Variants in ADAP1 observed in about 807,000 individuals in gnomAD.
ADAP1 encodes the protein ArfGAP with dual PH domains 1.
A neutral mutation model predicts 54.9 loss-of-function variants in ADAP1; 31 were observed. The ratio of observed to expected loss-of-function variants is 0.56; its 90% CI spans 0.42 to 0.76. ADAP1 has a LOEUF of 0.76. Among genes scored for constraint, ADAP1 ranks in the 30% least tolerant of loss-of-function variants. The probability of loss-of-function intolerance (pLI) is 0.00; values close to 1 mark genes in which losing one functional copy is unlikely to be tolerated. For missense variants in ADAP1, 535 were observed against 512.4 expected (o/e 1.04, Z -0.42); for synonymous variants, 313 against 202.6 (o/e 1.55, Z -4.63).
At chr7:923,017 G>C (rs913537795) in intron 3 of ADAP1, 5 of 152,162 alleles carry the variant, frequency 3.3e-5, no homozygotes, top group Admixed American at 6.5e-5. Context: ...CAGGAGCAGG[G>C]TGGCCCCCAA....
chr7:900,984 A>T (rs1371554845), intron 6 of ADAP1: 5 of 507,994 alleles, frequency 9.8e-6, no homozygotes, highest in African/African-American at 9.7e-5. Context: ...CCTTCCTTTC[A>T]GATGGTGCTA....
Position 938,608 on chromosome 7 carries a change from G to A in ADAP1, c.83-3103C>T, listed in dbSNP as rs1846849491. Among the ~76,000 whole-genome samples, 1 of 152,162 alleles carries A rather than the reference G, an allele frequency of 6.6e-6. No individual in the cohort carries two copies. Among genetic ancestry groups the A allele is most frequent in the Non-Finnish European group, 1.5e-5 (1 of 68,028 alleles). ...TCCCGAAGCCTTGGTGAAAGATGCC[G>A]CAAATGCTCGGTACGTGGCTGTGCG... On this transcript the variant is annotated intron_variant, in intron 1 of 10. Transcript: ENST00000265846. This position sits in a 1 kb window ranked among gnomAD's most constrained non-coding sequence, Gnocchi z 4.4.
intron 3 of ADAP1, among the ~76,000 whole-genome samples, chr7:921,675 C>T (rs374538391): frequency 2.6e-5 from 4 of 152,194 alleles, no homozygotes; most frequent in Admixed American, 1.3e-4. Flanking sequence ...CACGTCTTTT[C>T]GGGGGACACC....
intron 6 of ADAP1, chr7:901,291 G>T: frequency 6.1e-6 from 2 of 328,696 alleles, no homozygotes; most frequent in South Asian, 4.9e-5. Context: ...CCTGGGGTCT[G>T]CCCAGACCCT....
chr7:910,122 G>A (rs745497603), intron 4 of ADAP1, among the ~76,000 whole-genome samples: 1 of 152,214 alleles, frequency 6.6e-6, no homozygotes, highest in Non-Finnish European at 1.5e-5. Context: ...CACGCTGCCC[G>A]TGGGGATGTA....
rs776657530 is a variant in ADAP1, at chr7:926,686, G to A, written c.214-42C>T. 10 of 1,493,956 alleles carry A rather than the reference G, an allele frequency of 6.7e-6. No individual in the cohort carries two copies. The African/African-American group carries it at 1.0e-4, about 15-fold the overall frequency. The allele number at this position is 1,493,956 out of a possible 1,614,324, so 92.5% of individuals were successfully genotyped here. ...GCCGGGTCAGAGGCCTGGGGTCCCA[G>A]GGGCAGCCTAGGAGGTGCCAGCTGC... On this transcript the variant is annotated intron_variant, in intron 2 of 10. Coordinates refer to ENST00000265846, the MANE Select transcript of ADAP1 (RefSeq NM_006869.4). This position sits in a 1 kb window ranked among gnomAD's most constrained non-coding sequence, Gnocchi z 4.6.
At chr7:902,471 AG>A (rs1486722276) in intron 6 of ADAP1, among the ~76,000 whole-genome samples, 541 of 147,160 alleles carry the variant, frequency 3.7e-3, no homozygotes, top group Non-Finnish European at 4.5e-3. Flanking sequence ...AAAAAAAAAA[AG>A]AAAGAAAAGA....
intron 4 of ADAP1, among the ~76,000 whole-genome samples, chr7:919,466 G>A (rs879763873): frequency 3.3e-5 from 5 of 151,758 alleles, no homozygotes; most frequent in Non-Finnish European, 7.4e-5. Context: ...GTCCGGGGAC[G>A]CGGGTTCAAA....
intron 6 of ADAP1, chr7:901,439 C>CCTCCTCAGGCTT (rs938166904): frequency 1.7e-5 from 3 of 178,582 alleles, no homozygotes; most frequent in African/African-American, 7.2e-5. Flanking sequence ...GAGCCCCATC[C>CCTCCTCAGGCTT]CTCCTCAGGC....
Position 935,181 on chromosome 7 carries a change from G to C in ADAP1, c.213+194C>G, listed in dbSNP as rs1394071459. 8 of 785,862 alleles carry C rather than the reference G, an allele frequency of 1.0e-5. No individual in the cohort carries two copies. The African/African-American group carries it at 1.2e-4, about 12-fold the overall frequency. 48.7% of individuals were successfully genotyped at this position (785,862 alleles called of 1,614,324 possible). On this transcript the variant is annotated intron_variant, in intron 2 of 10. Coordinates refer to ENST00000265846, the MANE Select transcript of ADAP1 (RefSeq NM_006869.4). ...CTCACAGAGAGGTTGGACCCGGCAC[G>C]GGGTGGGTGGAGCAGCCACACAGGC...
chr7:923,932 C>T (rs1284384467), intron 3 of ADAP1, among the ~76,000 whole-genome samples: 1 of 152,140 alleles, frequency 6.6e-6, no homozygotes, highest in Admixed American at 6.5e-5. Context: ...TGGACGAGTC[C>T]CCTGCCCACC....
intron 6 of ADAP1, chr7:901,407 C>CT (rs1374397093): frequency 1.1e-5 from 2 of 183,742 alleles, no homozygotes; most frequent in Non-Finnish European, 2.3e-5. Context: ...GCTGCACCCT[C>CT]TCCTGCCCAG....
In ADAP1 at chr7:906,730, TGG is replaced by T. The variant is rs60149655; in HGVS notation, c.389-1560_389-1559del. ...GGGACGGGACATCGGGGACGGGACA[TGG>T]GGGACAGAGTACATAGGGGACATGG... On this transcript the variant is annotated intron_variant, in intron 4 of 10. Transcript: ENST00000265846. 5.6e-3 allele frequency among the ~76,000 whole-genome samples: 376 copies of T among 66,938 alleles called. 36 individuals are homozygous for T. In the East Asian group the frequency reaches 0.11, roughly 19 times the overall value. 43.9% of individuals were successfully genotyped at this position (66,938 alleles called of 152,430 possible). A position where few individuals can be genotyped will look rare whatever the true frequency, so the allele number is the denominator to read the frequency against.
intron 1 of ADAP1, 31 bp from the exon 2 acceptor site, chr7:935,536 C>T (rs1326163496): frequency 1.9e-6 from 3 of 1,554,688 alleles, no homozygotes; most frequent in Non-Finnish European, 2.6e-6. Context: ...TTCACGGAGG[C>T]TCAGCCCAGG....
At chr7:899,293 C>T (rs1844660836) in intron 9 of ADAP1, 32 bp from the exon 10 acceptor site, 1 of 1,609,904 alleles carries the variant, frequency 6.2e-7, no homozygotes, top group South Asian at 1.1e-5. Context: ...GAGGCGGGGC[C>T]ATGTCCCTTC....
At chr7:910,295 G>T (rs1336445900) in intron 4 of ADAP1, among the ~76,000 whole-genome samples, 1 of 151,620 alleles carries the variant, frequency 6.6e-6, no homozygotes, top group East Asian at 1.9e-4. Flanking sequence ...CCCCACCCAG[G>T]CTGGAGTGCA....
At chr7:940,172 T>C (rs1846904382) in intron 1 of ADAP1, among the ~76,000 whole-genome samples, 1 of 151,948 alleles carries the variant, frequency 6.6e-6, no homozygotes, top group African/African-American at 2.4e-5. Context: ...GGGAGTTAAA[T>C]GTGAAGAAAT....
intron 5 of ADAP1, among the ~76,000 whole-genome samples, chr7:904,826 G>T (rs1043004563): frequency 6.6e-6 from 1 of 152,224 alleles, no homozygotes; most frequent in Non-Finnish European, 1.5e-5. Flanking sequence ...AGTTCAGGGG[G>T]CCCCGCCCGG....
chr7:902,677 G>A (rs1422535523), intron 6 of ADAP1, among the ~76,000 whole-genome samples: 5 of 151,498 alleles, frequency 3.3e-5, no homozygotes, highest in African/African-American at 9.7e-5. Context: ...AGTGGAGGGA[G>A]GAAATCATTA....
Sources: gnomAD v4.1 joint callset for allele counts (sites outside exome capture counted in the v4.1 genomes callset) on GRCh38, gnomAD v4.1.1 for gene constraint, Gnocchi (gnomAD v3.1) non-coding constraint, MANE v1.5 for transcripts, NCBI Gene and HGNC (gene_info 2026-07-23, HGNC 2026-07-21) for gene names.